SPATA6L: variants seen among roughly 807,000 people sequenced by gnomAD.
The protein encoded by SPATA6L is spermatogenesis associated 6 like.
In SPATA6L, 68 loss-of-function variants were observed where a neutral mutation model predicts 49.2. The ratio of observed to expected loss-of-function variants is 1.38; its 90% CI spans 1.14 to 1.69. The LOEUF is 1.69. SPATA6L is among the 40% of genes most tolerant of loss of function. The pLI is 0.00. For synonymous variants in SPATA6L, 198 were observed against 165.7 expected (o/e 1.19, Z -1.50); for missense variants, 668 against 464.3 (o/e 1.44, Z -4.03).
rs575976056 is a variant in SPATA6L at position 4,642,821 on chromosome 9, T to G, written c.227-7422A>C. On this transcript the variant is annotated intron_variant, in intron 3 of 11. Coordinates refer to ENST00000682582, the MANE Select transcript of SPATA6L (RefSeq NM_001353486.2). ...TTAAAAATAAGAATTTATAACAAAA[T>G]CAACATTTATATCCAGACATCACTC... Among the ~76,000 whole-genome samples, 12 of 151,174 alleles carry G rather than the reference T, an allele frequency of 7.9e-5. No individual in the cohort carries two copies. In the East Asian group the frequency reaches 1.4e-3, roughly 17 times the overall value.
rs1840880496 is a variant in SPATA6L at position 4,666,454 on chromosome 9, G to A, written c.-204C>T. ...TCTCACACTCGAAGCTGGAGTGCAG[G>A]CTTCCAGAAGGCGGAAGCGTGGCGT... On this transcript the variant is annotated 5_prime_UTR_variant, in exon 1 of 12. Transcript: ENST00000682582. 3.4e-6 allele frequency: 2 copies of A among 586,672 alleles called. No individual in the cohort carries two copies. Among genetic ancestry groups the A allele is most frequent in the South Asian group, 4.1e-5 (2 of 48,308 alleles). 36.3% of individuals were successfully genotyped at this position (586,672 alleles called of 1,614,324 possible). A position where few individuals can be genotyped will look rare whatever the true frequency, so the allele number is the denominator to read the frequency against.
intron 3 of SPATA6L, among the ~76,000 whole-genome samples, chr9:4,650,106 C>T (rs1836447104): frequency 6.6e-6 from 1 of 152,216 alleles, no homozygotes; most frequent in Non-Finnish European, 1.5e-5. Flanking sequence ...CATACTTGCT[C>T]AGTGACTACC....
intron 6 of SPATA6L, among the ~76,000 whole-genome samples, chr9:4,623,001 C>T (rs899562547): frequency 1.3e-5 from 2 of 152,114 alleles, no homozygotes; most frequent in Non-Finnish European, 1.5e-5. Context: ...GTAGCTAGGC[C>T]GGGTACAGTG....
At chr9:4,649,827 A>C (rs745324018) in intron 3 of SPATA6L, among the ~76,000 whole-genome samples, 5 of 152,224 alleles carry the variant, frequency 3.3e-5, no homozygotes, top group Non-Finnish European at 5.9e-5. Context: ...CCCAGGGTTA[A>C]TATTGGGAAA....
rs1822740587 is a variant in SPATA6L, at chr9:4,599,577, GT to G, written c.*1233del. Among the ~76,000 whole-genome samples the G allele has an allele frequency of 5.3e-5, 8 of 152,308 alleles. No homozygotes were observed. The South Asian group carries it at 1.7e-3, about 32-fold the overall frequency. ...AAACTACAGGAATTCATTTCTCACA[GT>G]TCTGGAAGCTGGGAAGTCCAAGATC... is the stretch of plus-strand genomic sequence containing the variant. On this transcript the variant is annotated 3_prime_UTR_variant, in exon 12 of 12. Transcript: ENST00000682582.
intron 9 of SPATA6L, among the ~76,000 whole-genome samples, chr9:4,605,864 G>A (rs1018354063): frequency 2.0e-5 from 3 of 152,230 alleles, no homozygotes; most frequent in Non-Finnish European, 4.4e-5. Context: ...GAGCGACGCA[G>A]AGGACGGGTG....
Position 4,622,430 on chromosome 9 carries a change from G to A in SPATA6L, c.750C>T (p.Asp250=). Residue 250 remains aspartate, a synonymous_variant, in exon 7 of 12, where the codon GAC becomes GAT. Transcript: ENST00000682582. Reference sequence around the variant, plus strand: ...TACCTCTTCTCGTTGGAAACGGAAAGTCTGAAAACTTAGATTTTCTTCTAG... The same window carrying A: ...TACCTCTTCTCGTTGGAAACGGAAAATCTGAAAACTTAGATTTTCTTCTAG... ...RRSRRKSKFS[D]FPFPTRRASS... The A allele has an allele frequency of 6.2e-7, 1 of 1,613,118 alleles. No homozygotes were observed. The highest frequency in any genetic ancestry group is 8.5e-7 in the Non-Finnish European group (1 of 1,179,198).
At chr9:4,657,476 T>G (rs188173522) in intron 2 of SPATA6L, among the ~76,000 whole-genome samples, 4 of 151,912 alleles carry the variant, frequency 2.6e-5, no homozygotes, top group Non-Finnish European at 5.9e-5. Context: ...TGGGATAGGG[T>G]AGGCCTCTGA....
At chr9:4,604,991 C>A (rs1250462916) in intron 10 of SPATA6L, among the ~76,000 whole-genome samples, 1 of 152,178 alleles carries the variant, frequency 6.6e-6, no homozygotes, top group East Asian at 1.9e-4. Context: ...CTTCCCTGGA[C>A]TGGGATTCAT....
chr9:4,600,492 C>CAGAGAGAGAGA lies in SPATA6L; in HGVS notation c.*318_*319insTCTCTCTCTCT. On this transcript the variant is annotated 3_prime_UTR_variant, in exon 12 of 12. Coordinates refer to ENST00000682582, the MANE Select transcript of SPATA6L (RefSeq NM_001353486.2). ...GAGAGACAGAGAGAGCCAGAGAGAG[C>CAGAGAGAGAGA]CAGAGAGAGAGAGAGGGGAAGTGTT... is the stretch of plus-strand genomic sequence containing the variant. 5.6e-5 allele frequency: 1 copy of CAGAGAGAGAGA among 17,866 alleles called. No individual in the cohort carries two copies. Among genetic ancestry groups the CAGAGAGAGAGA allele is most frequent in the African/African-American group, 1.6e-4 (1 of 6,432 alleles). The allele number at this position is 17,866 out of a possible 1,614,324, so 1.1% of individuals were successfully genotyped here.
intron 3 of SPATA6L, among the ~76,000 whole-genome samples, chr9:4,654,170 G>A (rs796884592): frequency 1.3e-5 from 2 of 152,324 alleles, no homozygotes; most frequent in African/African-American, 4.8e-5. Flanking sequence ...GCCAGGATGT[G>A]GGAAAATGGA....
chr9:4,655,043 G>C (rs1837800951), intron 3 of SPATA6L, among the ~76,000 whole-genome samples: 1 of 152,024 alleles, frequency 6.6e-6, no homozygotes, highest in Non-Finnish European at 1.5e-5. Flanking sequence ...TTCACTCCTA[G>C]GTATACCCAA....
chr9:4,653,579 G>T (rs959121542), intron 3 of SPATA6L, among the ~76,000 whole-genome samples: 1 of 152,074 alleles, frequency 6.6e-6, no homozygotes, highest in Non-Finnish European at 1.5e-5. Flanking sequence ...TTCTAGAATG[G>T]GAGAAAATAT....
intron 3 of SPATA6L, among the ~76,000 whole-genome samples, chr9:4,649,948 G>A (rs1374408478): frequency 6.6e-6 from 1 of 152,188 alleles, no homozygotes; most frequent in Non-Finnish European, 1.5e-5. Context: ...ACCCATCTCA[G>A]AGAGATGTTT....
In SPATA6L at chr9:4,648,725, A is replaced by AATAAATAAATAAATAC. The variant is rs1564294446; in HGVS notation, c.226+7315_226+7316insGTATTTATTTATTTAT. ...GAAAAATAAATAAATTAAATAAATA[A>AATAAATAAATAAATAC]ATACATAAGTTCTTTAGTGGTGATC... On this transcript the variant is annotated intron_variant, in intron 3 of 11. Coordinates refer to ENST00000682582, the MANE Select transcript of SPATA6L (RefSeq NM_001353486.2). 2.7e-4 allele frequency among the ~76,000 whole-genome samples: 14 copies of AATAAATAAATAAATAC among 51,014 alleles called. 1 individual carries two copies. Among genetic ancestry groups the AATAAATAAATAAATAC allele is most frequent in the African/African-American group, 9.4e-4 (14 of 14,826 alleles). The allele number at this position is 51,014 out of a possible 152,430, so 33.5% of individuals were successfully genotyped here. A position where few individuals can be genotyped will look rare whatever the true frequency, so the allele number is the denominator to read the frequency against.
At chr9:4,607,444 T>C (rs1378020648) in intron 9 of SPATA6L, among the ~76,000 whole-genome samples, 1 of 152,226 alleles carries the variant, frequency 6.6e-6, no homozygotes, top group Non-Finnish European at 1.5e-5. Context: ...ACAGCGGATC[T>C]CTTGGCAGAA....
chr9:4,589,564 A>G (rs569351432), intron 13 of SPATA6L, among the ~76,000 whole-genome samples: 140 of 152,238 alleles, frequency 9.2e-4, no homozygotes, highest in Non-Finnish European at 1.2e-3. Context: ...TTTTCTATAA[A>G]GTGTCATGTA....
chr9:4,620,542 A>T (rs1258817345), intron 7 of SPATA6L, among the ~76,000 whole-genome samples: 5 of 152,214 alleles, frequency 3.3e-5, no homozygotes, highest in Non-Finnish European at 7.3e-5. Flanking sequence ...TTTGAGAAGC[A>T]CTGCTGTGTT....
At chr9:4,595,927 A>G (rs996597348), downstream of SPATA6L, among the ~76,000 whole-genome samples, 2 of 152,232 alleles carry the variant, frequency 1.3e-5, no homozygotes, top group African/African-American at 4.8e-5. Context: ...TATGTGGGCC[A>G]CAGAGCCTTT....
Sources: allele counts gnomAD v4.1 joint callset (sites outside exome capture counted in the v4.1 genomes callset), GRCh38; gene constraint gnomAD v4.1.1; transcripts MANE v1.5; gene names NCBI Gene and HGNC (gene_info 2026-07-23, HGNC 2026-07-21).